The following DIAPH2 variants were observed in gnomAD, a reference collection of about 807,000 sequenced individuals.
DIAPH2 encodes the protein diaphanous related formin 2, also known as protein diaphanous homolog 2.
Under a neutral mutation model 92.7 loss-of-function variants are expected in DIAPH2, and 35 were observed. The observed-to-expected ratio is 0.38, with a 90% CI of 0.29 to 0.50. The LOEUF (loss-of-function observed/expected upper bound fraction) is 0.50. DIAPH2 is among the 20% of genes least tolerant of loss of function. DIAPH2 has a pLI of 0.94. For synonymous variants in DIAPH2, 301 were observed against 280.4 expected (o/e 1.07, Z -0.73); for missense variants, 701 against 819.5 (o/e 0.86, Z 1.77).
chrX:97,133,704 T>C (rs2067153049), intron 21 of DIAPH2, among the ~76,000 whole-genome samples: 1 of 112,300 alleles, frequency 8.9e-6, no homozygotes. Flanking sequence ...CCTAGCCCCA[T>C]TCTCACTCTT....
intron 4 of DIAPH2, among the ~76,000 whole-genome samples, chrX:96,766,958 T>C (rs2064308096): frequency 1.8e-5 from 2 of 112,046 alleles, no homozygotes; most frequent in South Asian, 7.5e-4. Context: ...GTATTGCTTC[T>C]GACTTTGCTC....
chrX:97,293,404 C>T (rs1209426539), intron 23 of DIAPH2, among the ~76,000 whole-genome samples: 2 of 109,580 alleles, frequency 1.8e-5, no homozygotes, highest in African/African-American at 6.6e-5. Flanking sequence ...AGGCATGCAC[C>T]ACCAGGCCCA....
Position 97,338,109 on chromosome X carries a change from T to C in DIAPH2, c.2845-10007T>C, listed in dbSNP as rs1036956993. On this transcript the variant is annotated intron_variant, in intron 23 of 26. Coordinates refer to ENST00000324765, the MANE Select transcript of DIAPH2 (RefSeq NM_006729.5). ...CTGGTGTCAAACTCCTGACCTCAGG[T>C]AATCTGCCCGCCTCGGCCTCCCAAA... Among the ~76,000 whole-genome samples, 2 of 110,359 alleles carry C rather than the reference T, an allele frequency of 1.8e-5. 1 individual carries two copies. The highest frequency in any genetic ancestry group is 6.6e-5 in the African/African-American group (2 of 30,383).
intron 26 of DIAPH2, among the ~76,000 whole-genome samples, chrX:97,481,872 T>C (rs929524190): frequency 1.8e-5 from 2 of 112,115 alleles, no homozygotes; most frequent in African/African-American, 3.2e-5. Flanking sequence ...GCACAACTCA[T>C]CATTATTTGA....
intron 23 of DIAPH2, among the ~76,000 whole-genome samples, chrX:97,323,903 CAAAAA>C (rs1052365967): frequency 1.3e-4 from 5 of 39,190 alleles, no homozygotes; most frequent in African/African-American, 4.4e-4. Context: ...AACTCTGTCT[CAAAAA>C]AAAAAAAAAA....
intron 3 of DIAPH2, among the ~76,000 whole-genome samples, chrX:96,742,444 C>T (rs945006343): frequency 6.7e-4 from 75 of 111,417 alleles, no homozygotes; most frequent in African/African-American, 2.4e-3. Context: ...CATCATGTCA[C>T]TTGGCTCCTC....
At chrX:96,898,652 G>A (rs1413734968) in intron 5 of DIAPH2, among the ~76,000 whole-genome samples, 7 of 107,600 alleles carry the variant, frequency 6.5e-5, no homozygotes, top group South Asian at 4.3e-4. Context: ...AGTAGGTTGC[G>A]AAAATTTTCT....
intron 5 of DIAPH2, among the ~76,000 whole-genome samples, chrX:96,902,301 T>G (rs2065403042): frequency 8.9e-6 from 1 of 112,126 alleles, no homozygotes; most frequent in Non-Finnish European, 1.9e-5. Flanking sequence ...TTAAGTACAT[T>G]TGTTCTAGGA....
chrX:96,738,178 C>A (rs1049103747), intron 2 of DIAPH2, among the ~76,000 whole-genome samples: 1 of 111,705 alleles, frequency 9.0e-6, no homozygotes, highest in Non-Finnish European at 1.9e-5. Context: ...AAAAACATTA[C>A]CATAATTTTC....
intron 23 of DIAPH2, among the ~76,000 whole-genome samples, chrX:97,330,764 C>T (rs1322632308): frequency 8.9e-6 from 1 of 111,751 alleles, no homozygotes. Flanking sequence ...CTACCCACCT[C>T]AGCCTCCCAA....
At chrX:96,697,860 G>A (rs2063833741) in intron 1 of DIAPH2, among the ~76,000 whole-genome samples, 1 of 103,304 alleles carries the variant, frequency 9.7e-6, no homozygotes, top group African/African-American at 4.0e-5. Context: ...GGGGCCATTC[G>A]TTTTAGTGCC....
At chrX:97,178,723 C>T (rs904037632) in intron 22 of DIAPH2, among the ~76,000 whole-genome samples, 3 of 110,850 alleles carry the variant, frequency 2.7e-5, no homozygotes, top group Non-Finnish European at 5.7e-5. Flanking sequence ...TCTGAATGTT[C>T]TCCAAAATTC....
intron 12 of DIAPH2, among the ~76,000 whole-genome samples, chrX:96,940,158 T>C (rs1475026035): frequency 9.0e-6 from 1 of 111,082 alleles, no homozygotes; most frequent in Non-Finnish European, 1.9e-5. Flanking sequence ...GATAGAACTT[T>C]AAAGGTTTTA....
intron 26 of DIAPH2, among the ~76,000 whole-genome samples, chrX:97,493,790 G>A (rs2070740115): frequency 9.1e-6 from 1 of 109,470 alleles, no homozygotes; most frequent in Non-Finnish European, 1.9e-5. Context: ...GGAGGCTGAG[G>A]CAGGAGAATC....
intron 25 of DIAPH2, among the ~76,000 whole-genome samples, chrX:97,409,823 G>C (rs937027243): frequency 1.8e-5 from 2 of 112,730 alleles, no homozygotes; most frequent in Non-Finnish European, 3.8e-5. Flanking sequence ...AGGGGGTGAG[G>C]TGTCCACCAT....
chrX:96,687,295 C>T (rs745540575), intron 1 of DIAPH2, among the ~76,000 whole-genome samples: 44 of 111,946 alleles, frequency 3.9e-4, no homozygotes, highest in Non-Finnish European at 7.3e-4. Context: ...TCAATGTCTA[C>T]ATAGATTAAA....
chrX:96,773,582 C>CTCA (rs1478570603), intron 4 of DIAPH2, among the ~76,000 whole-genome samples: 1 of 111,712 alleles, frequency 9.0e-6, no homozygotes, highest in Non-Finnish European at 1.9e-5. Flanking sequence ...GGTGATGTGG[C>CTCA]TCATGCCTGT....
At chrX:97,071,569 G>C (rs1239503616) in intron 17 of DIAPH2, among the ~76,000 whole-genome samples, 1 of 111,002 alleles carries the variant, frequency 9.0e-6, no homozygotes, top group Non-Finnish European at 1.9e-5. Context: ...AGCACTGTTA[G>C]GAGTTTAGTT....
chrX:97,055,474 T>G lies in DIAPH2; in HGVS notation c.2051-17467T>G, dbSNP rs151197769. Among the ~76,000 whole-genome samples the G allele has an allele frequency of 5.0e-3, 555 of 111,283 alleles. 4 individuals carry two copies. The highest frequency in any genetic ancestry group is 0.017 in the African/African-American group (534 of 30,646). ...CTGGAGTAGGGAACAGACACAACAC[T>G]TCTCAGGTAACTGAGAATGAGTTCA... On this transcript the variant is annotated intron_variant, in intron 17 of 26. Coordinates refer to ENST00000324765, the MANE Select transcript of DIAPH2 (RefSeq NM_006729.5).
Sources: gnomAD v4.1 joint callset for allele counts (sites outside exome capture counted in the v4.1 genomes callset) on GRCh38, gnomAD v4.1.1 for gene constraint, MANE v1.5 for transcripts, NCBI Gene and HGNC (gene_info 2026-07-23, HGNC 2026-07-21) for gene names.